Variants in C16orf87 observed in about 807,000 individuals in gnomAD.
The protein encoded by C16orf87 is UPF0547 protein C16orf87.
Under a neutral mutation model 21.0 loss-of-function variants are expected in C16orf87, and 13 were observed. The observed-to-expected ratio is 0.62, with a 90% CI of 0.40 to 0.98. The LOEUF (loss-of-function observed/expected upper bound fraction) is 0.98, where lower values mean the gene tolerates loss of function less well. Ranked by LOEUF, C16orf87 falls within the 50% of genes least tolerant of loss-of-function variation. The probability of loss-of-function intolerance (pLI) is 0.00; values close to 1 mark genes in which losing one functional copy is unlikely to be tolerated. For synonymous variants in C16orf87, 49 were observed against 60.2 expected (o/e 0.81, Z 0.86); for missense variants, 113 against 180.4 (o/e 0.63, Z 2.14).
At chr16:46,830,376 G>A (rs1040951464) in intron 1 of C16orf87, among the ~76,000 whole-genome samples, 2 of 151,766 alleles carry the variant, frequency 1.3e-5, no homozygotes, top group African/African-American at 4.8e-5. Context: ...TTGTAACAGT[G>A]GATACTGCGA....
chr16:46,812,717 T>C (rs1968129481), intron 2 of C16orf87, among the ~76,000 whole-genome samples: 1 of 152,186 alleles, frequency 6.6e-6, no homozygotes, highest in African/African-American at 2.4e-5. Flanking sequence ...GCCAAACTTC[T>C]CAAAAGAGGT....
At chr16:46,817,613 G>A (rs930990604) in intron 2 of C16orf87, among the ~76,000 whole-genome samples, 19 of 152,050 alleles carry the variant, frequency 1.2e-4, no homozygotes, top group African/African-American at 3.9e-4. Context: ...ATTTGAACCC[G>A]GGAGGTGGAG....
rs1476416919 is a variant in C16orf87 at position 46,802,710 on chromosome 16, C to T, written c.*242G>A. On this transcript the variant is annotated 3_prime_UTR_variant, in exon 4 of 4. Transcript: ENST00000285697. The stretch of plus-strand genomic sequence containing the variant: ...GGTTTTTTTTTGTTGTTGGCAAATA[C>T]ACTTACTTATATCCCAAACACAAAA... The T allele has an allele frequency of 6.5e-6, 2 of 307,448 alleles. No individual in the cohort carries two copies. Among genetic ancestry groups the T allele is most frequent in the African/African-American group, 2.2e-5 (1 of 46,266 alleles). The allele number at this position is 307,448 out of a possible 1,614,324, so 19.0% of individuals were successfully genotyped here. A position where few individuals can be genotyped will look rare whatever the true frequency, so the allele number is the denominator to read the frequency against.
chr16:46,824,591 C>A, intron 1 of C16orf87, 109 bp from the exon 2 acceptor site: 2 of 476,488 alleles, frequency 4.2e-6, no homozygotes. Context: ...AAGGAGGAAT[C>A]ATGTATTTAT....
chr16:46,809,983 A>G (rs991026997), intron 2 of C16orf87, among the ~76,000 whole-genome samples, 198 bp from the exon 3 acceptor site: 1 of 152,222 alleles, frequency 6.6e-6, no homozygotes, highest in Non-Finnish European at 1.5e-5. Flanking sequence ...TCAGATCACA[A>G]TAACACATGA....
At chr16:46,809,407 G>C (rs907264828) in intron 3 of C16orf87, among the ~76,000 whole-genome samples, 196 bp downstream of exon 3, 11 of 151,674 alleles carry the variant, frequency 7.3e-5, no homozygotes, top group Admixed American at 2.0e-4. Flanking sequence ...TAAGCCTTCA[G>C]GTTTCCAATA....
chr16:46,822,313 A>T (rs1395375227), intron 2 of C16orf87, among the ~76,000 whole-genome samples: 1 of 152,212 alleles, frequency 6.6e-6, no homozygotes. Context: ...TTAAAAAAAT[A>T]AGCACTTTGT....
chr16:46,816,899 T>C (rs757866064), intron 2 of C16orf87, among the ~76,000 whole-genome samples: 1 of 152,178 alleles, frequency 6.6e-6, no homozygotes, highest in South Asian at 2.1e-4. Context: ...TTGAAATGTG[T>C]ATAGGATGCT....
chr16:46,828,758 A>T (rs1231371236), intron 1 of C16orf87, among the ~76,000 whole-genome samples: 1 of 152,220 alleles, frequency 6.6e-6, no homozygotes, highest in Non-Finnish European at 1.5e-5. Context: ...GCAACTTAGA[A>T]TCATAGCAGT....
rs1967760849 is a variant in C16orf87 at position 46,801,183 on chromosome 16, C to A, written c.*1769G>T. ...ACAGTATGTTTCAAAGATAAAATCA[C>A]ATTACATTATTGGGGAAACTACTAG... On this transcript the variant is annotated 3_prime_UTR_variant, in exon 4 of 4. Transcript: ENST00000285697. 1 of 152,128 alleles carries A rather than the reference C, an allele frequency of 6.6e-6. No individual in the cohort carries two copies. The highest frequency in any genetic ancestry group is 1.5e-5 in the Non-Finnish European group (1 of 68,030). 9.4% of individuals were successfully genotyped at this position (152,128 alleles called of 1,614,324 possible).
chr16:46,831,155 T>C lies in C16orf87; in HGVS notation c.-6A>G. The C allele has an allele frequency of 6.4e-7, 1 of 1,567,502 alleles. No individual in the cohort carries two copies. Among genetic ancestry groups the C allele is most frequent in the Non-Finnish European group, 8.7e-7 (1 of 1,154,162 alleles). On this transcript the variant is annotated 5_prime_UTR_variant, in exon 1 of 4. Coordinates refer to ENST00000285697, the MANE Select transcript of C16orf87 (RefSeq NM_001001436.4). ...TTGGCTCGAGTTGCAGACATGCTCC[T>C]CTCCCTTAGCGGCGGCAGCAGCGAC... is the stretch of plus-strand genomic sequence containing the variant.
At chr16:46,810,788 G>A (rs544539889) in intron 2 of C16orf87, among the ~76,000 whole-genome samples, 1 of 152,272 alleles carries the variant, frequency 6.6e-6, no homozygotes, top group East Asian at 1.9e-4. Flanking sequence ...ATCCCAGATT[G>A]CAAGAAAGTT....
At chr16:46,819,460 C>T (rs972309443) in intron 2 of C16orf87, among the ~76,000 whole-genome samples, 9 of 151,766 alleles carry the variant, frequency 5.9e-5, no homozygotes, top group Non-Finnish European at 1.3e-4. Context: ...CAAGTGCACA[C>T]CACCACGCCC....
At chr16:46,816,403 A>G (rs1283702408) in intron 2 of C16orf87, among the ~76,000 whole-genome samples, 3 of 152,234 alleles carry the variant, frequency 2.0e-5, no homozygotes, top group African/African-American at 4.8e-5. Context: ...TTTTCCCACA[A>G]TAAAAGTATT....
At chr16:46,830,268 C>T (rs8044355) in intron 1 of C16orf87, among the ~76,000 whole-genome samples, 1 of 59,646 alleles carries the variant, frequency 1.7e-5, no homozygotes, top group Admixed American at 1.9e-4. Flanking sequence ...GAGAGACAGA[C>T]AGAGAGAGAG....
chr16:46,820,156 T>C (rs941199678), intron 2 of C16orf87, among the ~76,000 whole-genome samples: 1 of 152,224 alleles, frequency 6.6e-6, no homozygotes, highest in East Asian at 1.9e-4. Context: ...AATTCATATC[T>C]AGCTAAATCT....
chr16:46,801,622 T>C lies in C16orf87; in HGVS notation c.*1330A>G, dbSNP rs1246831176. 6.6e-6 allele frequency: 1 copy of C among 152,232 alleles called. No individual in the cohort carries two copies. The highest frequency in any genetic ancestry group is 1.5e-5 in the Non-Finnish European group (1 of 68,030). The allele number at this position is 152,232 out of a possible 1,614,324, so 9.4% of individuals were successfully genotyped here. ...ATCCTTAGGAAAATTCTTTATCCTA[T>C]CTAGAGTACCTCTTAAGCTCCCTCT... On this transcript the variant is annotated 3_prime_UTR_variant, in exon 4 of 4. Coordinates refer to ENST00000285697, the MANE Select transcript of C16orf87 (RefSeq NM_001001436.4).
At chr16:46,816,781 A>C (rs1968257824) in intron 2 of C16orf87, among the ~76,000 whole-genome samples, 1 of 152,200 alleles carries the variant, frequency 6.6e-6, no homozygotes, top group African/African-American at 2.4e-5. Flanking sequence ...AGCTCTAGCC[A>C]ATGACAGGTA....
intron 2 of C16orf87, among the ~76,000 whole-genome samples, chr16:46,810,288 G>A (rs1968043893): frequency 1.3e-5 from 2 of 151,990 alleles, no homozygotes; most frequent in Admixed American, 6.6e-5. Flanking sequence ...AAAACCCTAG[G>A]CAAGTGAGTA....
Sources: gnomAD v4.1 joint callset for allele counts (sites outside exome capture counted in the v4.1 genomes callset) on GRCh38, gnomAD v4.1.1 for gene constraint, MANE v1.5 for transcripts, NCBI Gene and HGNC (gene_info 2026-07-23, HGNC 2026-07-21) for gene names.